MYO3B: variants seen among roughly 807,000 people sequenced by gnomAD.
MYO3B encodes the protein myosin-IIIb.
In MYO3B, 156 loss-of-function variants were observed where a neutral mutation model predicts 174.6. The ratio of observed to expected loss-of-function variants is 0.89; its 90% confidence interval spans 0.78 to 1.02. The LOEUF is 1.02. Among genes scored for constraint, MYO3B ranks in the 50% least tolerant of loss-of-function variants. MYO3B has a pLI of 0.00. For synonymous variants in MYO3B, 563 were observed against 569.1 expected, an observed-to-expected ratio of 0.99 and a Z score of 0.15; for missense variants, 1,632 against 1,639.4, an observed-to-expected ratio of 1.00 and a Z score of 0.08.
At chr2:170,200,096 A>C in intron 2 of MYO3B, 54 bp from the exon 3 acceptor site, 1 of 1,563,108 alleles carries the variant, frequency 6.4e-7, no homozygotes, top group East Asian at 2.3e-5. Flanking sequence ...TCATATCTGT[A>C]CCCTTCCTTA....
At chr2:170,533,535 C>CTAAT (rs954730594) in intron 30 of MYO3B, among the ~76,000 whole-genome samples, 3 of 152,048 alleles carry the variant, frequency 2.0e-5, no homozygotes, top group Admixed American at 2.0e-4. Flanking sequence ...ATGCCTTGGC[C>CTAAT]TAATTCAGTC....
At chr2:170,506,030 C>T (rs543851852) in intron 28 of MYO3B, among the ~76,000 whole-genome samples, 8 of 152,362 alleles carry the variant, frequency 5.3e-5, no homozygotes, top group East Asian at 1.9e-4. Context: ...CTAACAGTGA[C>T]GGCCATTTCT....
chr2:170,244,179 C>T (rs552652632), intron 7 of MYO3B, among the ~76,000 whole-genome samples: 3 of 152,286 alleles, frequency 2.0e-5, no homozygotes, highest in African/African-American at 7.2e-5. Flanking sequence ...TCTTGGCTGC[C>T]TCCTTCTATA....
chr2:170,409,626 T>G (rs17579806), intron 22 of MYO3B, among the ~76,000 whole-genome samples: 27,750 of 152,308 alleles, frequency 0.18, 3,176 homozygotes, highest in East Asian at 0.57. Flanking sequence ...GAATTATTTA[T>G]GTAGGAATGA....
Position 170,496,176 on chromosome 2 carries a change from C to T in MYO3B, c.3015-2416C>T, listed in dbSNP as rs111593089. On this transcript the variant is annotated intron_variant, in intron 25 of 34. Transcript: ENST00000408978. ...AAACAGAGATTCAGAGCCTTGGAAA[C>T]AGCCCCAGGGTTTCTGAATGCAAAT... Among the ~76,000 whole-genome samples, 29 of 152,322 alleles carry T rather than the reference C, an allele frequency of 1.9e-4. 1 individual carries two copies. Among genetic ancestry groups the T allele is most frequent in the African/African-American group, 5.8e-4 (24 of 41,564 alleles).
intron 30 of MYO3B, among the ~76,000 whole-genome samples, chr2:170,525,603 T>G (rs1375349975): frequency 6.6e-6 from 1 of 152,144 alleles, no homozygotes; most frequent in African/African-American, 2.4e-5. Context: ...TATGGGCCCT[T>G]CAATGAGGAT....
intron 7 of MYO3B, among the ~76,000 whole-genome samples, chr2:170,325,090 C>T (rs1440515898): frequency 6.6e-6 from 1 of 152,120 alleles, no homozygotes; most frequent in Non-Finnish European, 1.5e-5. Flanking sequence ...TTGGGTACTC[C>T]ATCTCAGTAG....
At chr2:170,488,360 T>G (rs1686205548) in intron 25 of MYO3B, among the ~76,000 whole-genome samples, 3 of 152,180 alleles carry the variant, frequency 2.0e-5, no homozygotes, top group Admixed American at 2.0e-4. Flanking sequence ...TAGCATTGGG[T>G]CTACCCAGGT....
chr2:170,214,103 A>G (rs180884086), intron 3 of MYO3B, among the ~76,000 whole-genome samples: 1 of 152,250 alleles, frequency 6.6e-6, no homozygotes. Context: ...TGTGCTTTAT[A>G]TTTTATTTTT....
intron 25 of MYO3B, among the ~76,000 whole-genome samples, chr2:170,493,052 A>G (rs965957078): frequency 6.6e-6 from 1 of 152,214 alleles, no homozygotes; most frequent in African/African-American, 2.4e-5. Context: ...GTTCAAGTTA[A>G]ATCAGTTAAA....
chr2:170,548,513 A>T (rs1690685832), intron 32 of MYO3B, among the ~76,000 whole-genome samples: 1 of 152,118 alleles, frequency 6.6e-6, no homozygotes. Context: ...AGTCTCAGTG[A>T]AATGGGAAGC....
intron 14 of MYO3B, among the ~76,000 whole-genome samples, chr2:170,391,318 G>A (rs903062026): frequency 4.6e-5 from 7 of 152,084 alleles, no homozygotes; most frequent in Non-Finnish European, 4.4e-5. Flanking sequence ...TTTGCTTGTC[G>A]TAAAGTGTGT....
At position 170,386,104 on chromosome 2, in the gene MYO3B, G is replaced by A. The variant is rs528487924; in HGVS notation, c.1291-85G>A. The A allele has an allele frequency of 6.0e-5, 63 of 1,054,802 alleles. 2 individuals carry two copies. The highest frequency in any genetic ancestry group is 2.8e-4 in the South Asian group (20 of 71,466). The allele number at this position is 1,054,802 out of a possible 1,614,324, so 65.3% of individuals were successfully genotyped here. A position where few individuals can be genotyped will look rare whatever the true frequency, so the allele number is the denominator to read the frequency against. On this transcript the variant is annotated intron_variant, in intron 12 of 34. Transcript: ENST00000408978. ...ATCTATCTCTCAGTGAAAAATTAAG[G>A]TGTACAGTAGTGGATGTTATATGAA...
intron 7 of MYO3B, among the ~76,000 whole-genome samples, chr2:170,243,043 C>T (rs111231326): frequency 4.6e-5 from 7 of 152,280 alleles, no homozygotes; most frequent in African/African-American, 1.7e-4. Context: ...CTATCCATTC[C>T]TGGAGGATCC....
At chr2:170,494,538 G>T (rs1686714453) in intron 25 of MYO3B, among the ~76,000 whole-genome samples, 1 of 151,868 alleles carries the variant, frequency 6.6e-6, no homozygotes, top group Non-Finnish European at 1.5e-5. Context: ...GATATGCCTG[G>T]CCAATGTGGT....
chr2:170,491,020 G>T (rs1433246227), intron 25 of MYO3B, among the ~76,000 whole-genome samples: 1 of 152,030 alleles, frequency 6.6e-6, no homozygotes, highest in South Asian at 2.1e-4. Context: ...CCAGCTTTTG[G>T]TTTCATCAGT....
chr2:170,415,775 A>T (rs2094575031), intron 22 of MYO3B, among the ~76,000 whole-genome samples: 1 of 152,160 alleles, frequency 6.6e-6, no homozygotes, highest in Non-Finnish European at 1.5e-5. Context: ...TGTACGCAGC[A>T]TCCCTTCCTC....
At chr2:170,607,500 C>G (rs560487975) in intron 32 of MYO3B, among the ~76,000 whole-genome samples, 2 of 152,186 alleles carry the variant, frequency 1.3e-5, no homozygotes, top group Non-Finnish European at 2.9e-5. Flanking sequence ...AGACACATAC[C>G]CTTTTGGCCC....
At chr2:170,592,064 G>A (rs181517789) in intron 32 of MYO3B, among the ~76,000 whole-genome samples, 8 of 152,236 alleles carry the variant, frequency 5.3e-5, no homozygotes, top group African/African-American at 1.4e-4. Flanking sequence ...CTACAATGTG[G>A]AAAGTGAGGT....
Sources: gnomAD v4.1 joint callset for allele counts (sites outside exome capture counted in the v4.1 genomes callset) on GRCh38, gnomAD v4.1.1 for gene constraint, MANE v1.5 for transcripts, NCBI Gene and HGNC (gene_info 2026-07-23, HGNC 2026-07-21) for gene names.